Variants in ADCY2 observed in about 807,000 individuals in gnomAD.
ADCY2 encodes adenylate cyclase type 2.
ADCY2 carries 31 observed loss-of-function variants against 125.2 expected under a neutral mutation model. The observed-to-expected ratio is 0.25, with a 90% confidence interval of 0.19 to 0.33. The LOEUF is 0.33. Among genes scored for constraint, ADCY2 ranks in the 10% least tolerant of loss-of-function variants. The probability of loss-of-function intolerance (pLI) is 1.00; values close to 1 mark genes in which losing one functional copy is unlikely to be tolerated. For synonymous variants in ADCY2, 512 were observed against 548.4 expected, an observed-to-expected ratio of 0.93 and a Z score of 0.93; for missense variants, 904 against 1,418.2, an observed-to-expected ratio of 0.64 and a Z score of 5.82.
intron 3 of ADCY2, among the ~76,000 whole-genome samples, chr5:7,612,474 C>T (rs1027696971): frequency 6.6e-6 from 1 of 152,142 alleles, no homozygotes; most frequent in Admixed American, 6.6e-5. Flanking sequence ...GGAAGCTGAG[C>T]AAATGAGAGT....
intron 4 of ADCY2, among the ~76,000 whole-genome samples, chr5:7,634,097 A>G (rs371153934): frequency 1.3e-5 from 2 of 152,226 alleles, no homozygotes; most frequent in African/African-American, 4.8e-5. Context: ...GTAATCACAG[A>G]TAGGCCACTA....
intron 2 of ADCY2, among the ~76,000 whole-genome samples, chr5:7,447,280 A>G (rs1216638478): frequency 2.6e-5 from 4 of 152,194 alleles, no homozygotes; most frequent in East Asian, 3.9e-4. Flanking sequence ...TCTGGCCTGG[A>G]CGGCCCTGCA....
At chr5:7,789,422 C>T (rs974376727) in intron 19 of ADCY2, among the ~76,000 whole-genome samples, 3 of 152,136 alleles carry the variant, frequency 2.0e-5, no homozygotes, top group Non-Finnish European at 4.4e-5. Context: ...AGCTGATTTC[C>T]CTGTTTCTGA....
At position 7,709,061 on chromosome 5, in the gene ADCY2, C is replaced by T. The variant is rs1741356437; in HGVS notation, c.1402-150C>T. 7.6e-6 allele frequency: 5 copies of T among 661,214 alleles called. No individual in the cohort carries two copies. Among genetic ancestry groups the T allele is most frequent in the South Asian group, 5.3e-5 (1 of 18,864 alleles). 41.0% of individuals were successfully genotyped at this position (661,214 alleles called of 1,614,324 possible). On this transcript the variant is annotated intron_variant, in intron 9 of 24. Transcript: ENST00000338316. The surrounding 1 kb of genome is among the most constrained non-coding windows in gnomAD (Gnocchi z 4.4). Reference sequence around the variant, plus strand: ...CCCTCAACTCAAATAGTGTGTTCCCCAGTAACACTGAAGGAATAAGGACAG... The same window carrying T: ...CCCTCAACTCAAATAGTGTGTTCCCTAGTAACACTGAAGGAATAAGGACAG...
chr5:7,473,280 G>A (rs1742405827), intron 2 of ADCY2, among the ~76,000 whole-genome samples: 2 of 152,280 alleles, frequency 1.3e-5, no homozygotes, highest in African/African-American at 4.8e-5. Context: ...ACATCTTCTG[G>A]TGGGGGCCTC....
intron 2 of ADCY2, among the ~76,000 whole-genome samples, chr5:7,437,296 C>T (rs911498244): frequency 6.6e-6 from 1 of 152,288 alleles, no homozygotes; most frequent in Non-Finnish European, 1.5e-5. Flanking sequence ...GCAAACCCAA[C>T]TTTAAGACAT....
chr5:7,677,170 C>T (rs184480580), intron 4 of ADCY2, among the ~76,000 whole-genome samples: 6 of 152,044 alleles, frequency 3.9e-5, no homozygotes, highest in Admixed American at 6.5e-5. Flanking sequence ...CTCAGCTACT[C>T]GGGAGGCTGA....
At chr5:7,670,837 T>A (rs1739909374) in intron 4 of ADCY2, among the ~76,000 whole-genome samples, 1 of 152,200 alleles carries the variant, frequency 6.6e-6, no homozygotes. Flanking sequence ...TAATGCTCAC[T>A]AACCCACCAC....
intron 3 of ADCY2, among the ~76,000 whole-genome samples, chr5:7,564,615 AC>A (rs1468293456): frequency 1.3e-5 from 2 of 152,104 alleles, no homozygotes; most frequent in Non-Finnish European, 2.9e-5. Context: ...ACTTCTGCAA[AC>A]TCAAATCGCT....
intron 4 of ADCY2, among the ~76,000 whole-genome samples, chr5:7,687,509 A>G (rs1024049532): frequency 2.0e-5 from 3 of 152,176 alleles, no homozygotes; most frequent in Admixed American, 6.5e-5. Flanking sequence ...GCGTGGGACC[A>G]TGAGGTCCGC....
intron 14 of ADCY2, 94 bp downstream of exon 14, chr5:7,727,355 T>C (rs916441370): frequency 2.9e-6 from 3 of 1,022,114 alleles, no homozygotes; most frequent in Non-Finnish European, 4.5e-6. Context: ...TGCTAATGTT[T>C]AGACAGAGGG....
Position 7,452,222 on chromosome 5 carries a change from T to C in ADCY2, c.408+37452T>C, listed in dbSNP as rs142391277. Among the ~76,000 whole-genome samples the C allele has an allele frequency of 3.7e-4, 56 of 152,230 alleles. No homozygotes were observed. In the East Asian group the frequency reaches 9.5e-3, roughly 26 times the overall value. On this transcript the variant is annotated intron_variant, in intron 2 of 24. Transcript: ENST00000338316. Reference sequence around the variant, plus strand: ...GCAACCGTGCCCGGCCCCCAATGTGTAGTTTTTTAATCCCTCATCCTCCTC... The same window carrying C: ...GCAACCGTGCCCGGCCCCCAATGTGCAGTTTTTTAATCCCTCATCCTCCTC...
chr5:7,521,826 A>G (rs1237590222), intron 3 of ADCY2, among the ~76,000 whole-genome samples: 1 of 152,164 alleles, frequency 6.6e-6, no homozygotes, highest in Non-Finnish European at 1.5e-5. Flanking sequence ...ACTTTTTTCA[A>G]TGCTCATCTC....
chr5:7,673,239 CAA>C (rs1197772883), intron 4 of ADCY2, among the ~76,000 whole-genome samples: 4 of 5,230 alleles, frequency 7.6e-4, no homozygotes, highest in East Asian at 1.5e-3. Context: ...CTTGTCTCTC[CAA>C]AAAAAAAAAA....
At chr5:7,707,028 T>C (rs1331353883) in intron 8 of ADCY2, 126 bp downstream of exon 8, 4 of 1,261,864 alleles carry the variant, frequency 3.2e-6, no homozygotes, top group Non-Finnish European at 2.2e-6. Flanking sequence ...ATCATGTTAC[T>C]CACGCCCAAC....
intron 16 of ADCY2, among the ~76,000 whole-genome samples, chr5:7,759,335 G>A (rs1298698069): frequency 2.6e-5 from 4 of 152,210 alleles, no homozygotes; most frequent in Non-Finnish European, 5.9e-5. Context: ...TGCCACCACA[G>A]CTACCTCCTC....
intron 4 of ADCY2, among the ~76,000 whole-genome samples, chr5:7,663,854 G>A (rs1289946807): frequency 6.6e-6 from 1 of 152,224 alleles, no homozygotes; most frequent in Non-Finnish European, 1.5e-5. Context: ...TCTCTTGGAA[G>A]GAGGTTTATG....
chr5:7,653,562 GT>G (rs1739176780), intron 4 of ADCY2, among the ~76,000 whole-genome samples: 1 of 151,576 alleles, frequency 6.6e-6, no homozygotes, highest in African/African-American at 2.4e-5. Context: ...GAGTGAGATC[GT>G]GCCACTGCAC....
At chr5:7,424,864 G>A (rs983231724) in intron 2 of ADCY2, among the ~76,000 whole-genome samples, 6 of 152,118 alleles carry the variant, frequency 3.9e-5, no homozygotes, top group African/African-American at 1.4e-4. Flanking sequence ...CCTTATAATT[G>A]TACCTCTTTG....
Sources: allele counts gnomAD v4.1 joint callset (sites outside exome capture counted in the v4.1 genomes callset), GRCh38; gene constraint gnomAD v4.1.1; non-coding constraint Gnocchi (gnomAD v3.1); transcripts MANE v1.5; gene names NCBI Gene and HGNC (gene_info 2026-07-23, HGNC 2026-07-21).